DOCK8: variants seen among roughly 807,000 people sequenced by gnomAD.
DOCK8 encodes dedicator of cytokinesis 8.
DOCK8 carries 141 observed loss-of-function variants against 245.6 expected under a neutral mutation model. The ratio of observed to expected loss-of-function variants is 0.57; its 90% CI spans 0.50 to 0.66. The LOEUF (loss-of-function observed/expected upper bound fraction) is 0.66. Ranked by LOEUF, DOCK8 falls within the 30% of genes least tolerant of loss-of-function variation. The pLI, the probability that DOCK8 is intolerant of heterozygous loss-of-function variation, is 0.00. For synonymous variants in DOCK8, 1,168 were observed against 970.2 expected, an observed-to-expected ratio of 1.20 and a Z score of -3.79; for missense variants, 2,965 against 2,603.4, an observed-to-expected ratio of 1.14 and a Z score of -3.02.
chr9:423,928 G>A (rs10217524), intron 33 of DOCK8, among the ~76,000 whole-genome samples: 339 of 152,218 alleles, frequency 2.2e-3, no homozygotes, highest in African/African-American at 7.7e-3. Context: ...GCTTGCAGGA[G>A]CAACACAATA....
chr9:411,657 C>A (rs1216842162), intron 28 of DOCK8, among the ~76,000 whole-genome samples: 1 of 152,050 alleles, frequency 6.6e-6, no homozygotes, highest in Non-Finnish European at 1.5e-5. Context: ...AAACTACAGG[C>A]CAGTATCTGA....
intron 22 of DOCK8, among the ~76,000 whole-genome samples, chr9:385,923 C>A (rs1010891155): frequency 1.3e-5 from 2 of 152,200 alleles, no homozygotes; most frequent in Admixed American, 1.3e-4. Context: ...GAGCACTCCA[C>A]TTCCCTTCAG....
At chr9:243,043 A>G (rs536539510) in intron 1 of DOCK8, among the ~76,000 whole-genome samples, 1 of 152,172 alleles carries the variant, frequency 6.6e-6, no homozygotes, top group Admixed American at 6.5e-5. Flanking sequence ...TTTCTCTGAA[A>G]TTAGCTGTGG....
chr9:417,947 C>T (rs892877529), intron 29 of DOCK8, 121 bp from the exon 30 acceptor site: 4 of 1,257,130 alleles, frequency 3.2e-6, no homozygotes, highest in African/African-American at 1.5e-5. Flanking sequence ...TAATGCTAAA[C>T]ATCAGGTTTG....
intron 14 of DOCK8, among the ~76,000 whole-genome samples, chr9:352,272 T>A (rs1298330624): frequency 3.3e-5 from 5 of 152,148 alleles, no homozygotes; most frequent in African/African-American, 9.7e-5. Flanking sequence ...GCATTGAGCA[T>A]GGAATTATTA....
chr9:214,904 C>A lies in DOCK8; in HGVS notation c.-73C>A. Reference sequence around the variant, plus strand: ...GCGCTTGGCTGGGCATGTTCCGCGGCTACTCTGCGGCGCGCCAGGCCCCCG... The same window carrying A: ...GCGCTTGGCTGGGCATGTTCCGCGGATACTCTGCGGCGCGCCAGGCCCCCG... On this transcript the variant is annotated 5_prime_UTR_variant, in exon 1 of 48. Transcript: ENST00000432829. 1 of 1,604,326 alleles carries A rather than the reference C, an allele frequency of 6.2e-7. No individual in the cohort carries two copies. Among genetic ancestry groups the A allele is most frequent in the Non-Finnish European group, 8.5e-7 (1 of 1,176,998 alleles).
chr9:297,918 C>G (rs1238628335), intron 4 of DOCK8, among the ~76,000 whole-genome samples: 2 of 152,152 alleles, frequency 1.3e-5, no homozygotes, highest in African/African-American at 4.8e-5. Context: ...TTAGAGTGTA[C>G]ACATTGTGAA....
At chr9:376,422 T>G (rs1460510507) in intron 19 of DOCK8, 117 bp downstream of exon 19, 7 of 827,398 alleles carry the variant, frequency 8.5e-6, no homozygotes, top group Non-Finnish European at 1.5e-5. Context: ...AAATAACCCT[T>G]TAGTTCTTTG....
chr9:227,255 T>C (rs545372011), intron 1 of DOCK8, among the ~76,000 whole-genome samples: 1 of 152,336 alleles, frequency 6.6e-6, no homozygotes, highest in East Asian at 1.9e-4. Flanking sequence ...TGAGAAATTA[T>C]GAAAATTGGA....
chr9:369,770 G>C (rs2053196679), intron 15 of DOCK8: 1 of 207,794 alleles, frequency 4.8e-6, no homozygotes, highest in Non-Finnish European at 9.8e-6. Flanking sequence ...CAGTTCCTTT[G>C]CACTGGTGTG....
intron 7 of DOCK8, among the ~76,000 whole-genome samples, chr9:319,383 C>T (rs187429876): frequency 9.9e-5 from 15 of 152,262 alleles, no homozygotes; most frequent in African/African-American, 2.9e-4. Flanking sequence ...GAAATTAAGT[C>T]GAATTGACAT....
intron 25 of DOCK8, among the ~76,000 whole-genome samples, chr9:398,339 C>G (rs78791423): frequency 0.024 from 3,651 of 152,240 alleles, 146 homozygotes; most frequent in African/African-American, 0.083. Context: ...CCCATCCATC[C>G]CAGTGACTTG....
chr9:297,259 A>G (rs751523680), intron 4 of DOCK8, among the ~76,000 whole-genome samples: 2 of 152,210 alleles, frequency 1.3e-5, no homozygotes, highest in African/African-American at 2.4e-5. Context: ...GCTGTGACTC[A>G]GAGAGACTAA....
intron 1 of DOCK8, among the ~76,000 whole-genome samples, chr9:230,814 T>G (rs1804245556): frequency 6.6e-6 from 1 of 152,178 alleles, no homozygotes; most frequent in Non-Finnish European, 1.5e-5. Context: ...CTTTGTCAGA[T>G]GAGTAGGTTG....
chr9:407,147 T>C, intron 28 of DOCK8, 78 bp downstream of exon 28: 1 of 1,587,910 alleles, frequency 6.3e-7, no homozygotes, highest in Non-Finnish European at 8.6e-7. Context: ...GTCTAGCTTC[T>C]CACACTTGGT....
chr9:232,010 C>T (rs1444927741), intron 1 of DOCK8, among the ~76,000 whole-genome samples: 2 of 152,124 alleles, frequency 1.3e-5, no homozygotes, highest in Non-Finnish European at 2.9e-5. Context: ...TTTGCCCATT[C>T]AATATGATAT....
intron 30 of DOCK8, among the ~76,000 whole-genome samples, chr9:419,194 C>G (rs780957615): frequency 6.6e-6 from 1 of 152,176 alleles, no homozygotes; most frequent in South Asian, 2.1e-4. Context: ...TTTCTTCTCC[C>G]GTGAGAAAGC....
intron 26 of DOCK8, among the ~76,000 whole-genome samples, chr9:402,042 T>C (rs868737094): frequency 5.3e-5 from 8 of 152,194 alleles, no homozygotes; most frequent in African/African-American, 1.9e-4. Context: ...TAGTCTGTTT[T>C]CAAAACTTTA....
rs145382834 is a variant in DOCK8 at position 377,204 on chromosome 9, C to T, written c.2433C>T (p.Gly811=). 29 of 1,590,064 alleles carry T rather than the reference C, an allele frequency of 1.8e-5. No homozygotes were observed. The African/African-American group carries it at 2.4e-4, about 13-fold the overall frequency. Residue 811 remains glycine, a synonymous_variant, in exon 20 of 48, where the codon GGC becomes GGT. Coordinates refer to ENST00000432829, the MANE Select transcript of DOCK8 (RefSeq NM_203447.4). Reference sequence around the variant, plus strand: ...CCGTGCAGCCCATGGTCATCGCTGGCCAGACAGGTATGAACCTGCAGGGCT... The same window carrying T: ...CCGTGCAGCCCATGGTCATCGCTGGTCAGACAGGTATGAACCTGCAGGGCT... ...QLSVQPMVIA[G]QTANFSQFAF...
Sources: gnomAD v4.1 joint callset for allele counts (sites outside exome capture counted in the v4.1 genomes callset) on GRCh38, gnomAD v4.1.1 for gene constraint, MANE v1.5 for transcripts, NCBI Gene and HGNC (gene_info 2026-07-23, HGNC 2026-07-21) for gene names.